Variants in IQCH observed in about 807,000 individuals in gnomAD.
IQCH encodes the protein IQ motif containing H, also known as IQ domain-containing protein H.
In IQCH, 98 loss-of-function variants were observed where a neutral mutation model predicts 117.0. The observed-to-expected ratio is 0.84, with a 90% CI of 0.71 to 0.99. The LOEUF is 0.99. Ranked by LOEUF, IQCH falls within the 50% of genes least tolerant of loss-of-function variation. IQCH has a pLI of 0.00. For missense variants in IQCH, 1,102 were observed against 1,243.8 expected (o/e 0.89, Z 1.72); for synonymous variants, 412 against 448.2 (o/e 0.92, Z 1.02).
chr15:67,340,823 A>G (rs984817532), intron 5 of IQCH, among the ~76,000 whole-genome samples: 1 of 152,192 alleles, frequency 6.6e-6, no homozygotes, highest in African/African-American at 2.4e-5. Context: ...TGCACTCACA[A>G]TGGGAGATAA....
Position 67,369,473 on chromosome 15 carries a change from AAG to A in IQCH, c.754-2631_754-2630del. Among the ~76,000 whole-genome samples the A allele has an allele frequency of 6.6e-6, 1 of 151,624 alleles. No individual in the cohort carries two copies. ...ACAGCACATCTTAAAAAAGGAGGGAAAGAGAGAGGAAGGAAGAGAAAAAGAAA... is the reference window on the plus strand; with the variant it reads ...ACAGCACATCTTAAAAAAGGAGGGAAAGAGAGGAAGGAAGAGAAAAAGAAA... On this transcript the variant is annotated intron_variant, in intron 8 of 20. Transcript: ENST00000335894. This position sits in a 1 kb window ranked among gnomAD's most constrained non-coding sequence, Gnocchi z 5.2.
In IQCH at chr15:67,387,030, C is replaced by A. The variant is rs1333370167; in HGVS notation, c.1457-1801C>A. The stretch of plus-strand genomic sequence containing the variant: ...AAGCTATTTTTGTTGTTTTTCTGCC[C>A]TATTCTTTCATACTTAAAAAAAACT... On this transcript the variant is annotated intron_variant, in intron 11 of 20. Coordinates refer to ENST00000335894, the MANE Select transcript of IQCH (RefSeq NM_001031715.3). The surrounding 1 kb of genome is among the most constrained non-coding windows in gnomAD (Gnocchi z 4.8). Among the ~76,000 whole-genome samples, 1 of 151,870 alleles carries A rather than the reference C, an allele frequency of 6.6e-6. No individual in the cohort carries two copies. Among genetic ancestry groups the A allele is most frequent in the African/African-American group, 2.4e-5 (1 of 41,352 alleles).
rs1275127443 is a variant in IQCH at position 67,493,514 on chromosome 15, G to A, written c.2862-744G>A. Among the ~76,000 whole-genome samples the A allele has an allele frequency of 6.6e-6, 1 of 152,188 alleles. No individual in the cohort carries two copies. Among genetic ancestry groups the A allele is most frequent in the African/African-American group, 2.4e-5 (1 of 41,442 alleles). On this transcript the variant is annotated intron_variant, in intron 19 of 20. Coordinates refer to ENST00000335894, the MANE Select transcript of IQCH (RefSeq NM_001031715.3). The surrounding 1 kb of genome is among the most constrained non-coding windows in gnomAD (Gnocchi z 5.1). ...CATAGGCAGGACACTCTCATTAAGTGATAGGAATCACTTGTACCTGTGAAA... is the reference window on the plus strand; with the variant it reads ...CATAGGCAGGACACTCTCATTAAGTAATAGGAATCACTTGTACCTGTGAAA...
At position 67,336,885 on chromosome 15, in the gene IQCH, C is replaced by A. The variant is rs1968915452; in HGVS notation, c.388-90C>A. On this transcript the variant is annotated intron_variant, in intron 4 of 20. Transcript: ENST00000335894. ...GCTACTTTATTAAAACTTAATGCAACTATTCATAACTTTATTTATTGTTTA... is the reference window on the plus strand; with the variant it reads ...GCTACTTTATTAAAACTTAATGCAAATATTCATAACTTTATTTATTGTTTA... The A allele has an allele frequency of 1.3e-5, 17 of 1,269,946 alleles. No individual in the cohort carries two copies. The South Asian group carries it at 2.3e-4, about 17-fold the overall frequency. 78.7% of individuals were successfully genotyped at this position (1,269,946 alleles called of 1,614,324 possible).
chr15:67,307,111 C>G, intron 4 of IQCH: 1 of 1,161,984 alleles, frequency 8.6e-7, no homozygotes, highest in Non-Finnish European at 1.1e-6. Flanking sequence ...CTGTTATGAC[C>G]TAGAAAAAAA....
rs1458314120 is a variant in IQCH, at chr15:67,426,873, C to G, written c.2505+5296C>G. 6.6e-6 allele frequency among the ~76,000 whole-genome samples: 1 copy of G among 151,800 alleles called. No individual in the cohort carries two copies. The highest frequency in any genetic ancestry group is 1.5e-5 in the Non-Finnish European group (1 of 67,990). The stretch of plus-strand genomic sequence containing the variant: ...TAATGGCACTCATCTGTGATTCCAG[C>G]TATTTGAGAGGCTGAGGTAGGAGGA... On this transcript the variant is annotated intron_variant, in intron 16 of 20. Coordinates refer to ENST00000335894, the MANE Select transcript of IQCH (RefSeq NM_001031715.3). This position sits in a 1 kb window ranked among gnomAD's most constrained non-coding sequence, Gnocchi z 5.1.
In IQCH at chr15:67,358,019, C is replaced by T. The variant is rs191367675; in HGVS notation, c.714+598C>T. On this transcript the variant is annotated intron_variant, in intron 7 of 20. Coordinates refer to ENST00000335894, the MANE Select transcript of IQCH (RefSeq NM_001031715.3). The stretch of plus-strand genomic sequence containing the variant: ...GATTACAGGTGCCTACCACCATGCC[C>T]GGCTAATTTTTGTATTTTTAGTAGA... 2.0e-3 allele frequency among the ~76,000 whole-genome samples: 305 copies of T among 151,374 alleles called. 1 individual carries two copies. The highest frequency in any genetic ancestry group is 6.8e-3 in the African/African-American group (280 of 41,252).
At chr15:67,280,718 C>A (rs1347435446) in intron 4 of IQCH, among the ~76,000 whole-genome samples, 1 of 152,046 alleles carries the variant, frequency 6.6e-6, no homozygotes, top group Non-Finnish European at 1.5e-5. Context: ...AACATTCAGT[C>A]CATAGCATGC....
intron 12 of IQCH, among the ~76,000 whole-genome samples, chr15:67,394,367 C>T (rs1257073559): frequency 6.6e-6 from 1 of 152,174 alleles, no homozygotes; most frequent in Non-Finnish European, 1.5e-5. Flanking sequence ...TTATTACACT[C>T]ATTTTACAGA....
chr15:67,291,055 C>T (rs1438069810), intron 4 of IQCH, among the ~76,000 whole-genome samples: 1 of 152,146 alleles, frequency 6.6e-6, no homozygotes, highest in Non-Finnish European at 1.5e-5. Context: ...CTGCAGAAGA[C>T]AGAAACACAA....
At chr15:67,462,290 G>C (rs367696110) in intron 16 of IQCH, among the ~76,000 whole-genome samples, 3 of 151,732 alleles carry the variant, frequency 2.0e-5, no homozygotes, top group Non-Finnish European at 2.9e-5. Context: ...TTAGCTGGGC[G>C]TGGTGGCAGG....
Position 67,408,932 on chromosome 15 carries a change from T to A in IQCH, c.2098-7999T>A, listed in dbSNP as rs2081372914. 6.6e-6 allele frequency among the ~76,000 whole-genome samples: 1 copy of A among 152,208 alleles called. No individual in the cohort carries two copies. Among genetic ancestry groups the A allele is most frequent in the Non-Finnish European group, 1.5e-5 (1 of 68,024 alleles). Reference sequence around the variant, plus strand: ...GTCATATGTATTTACTTGATATCACTCTTATATTTTAATATAATTTCCTTA... The same window carrying A: ...GTCATATGTATTTACTTGATATCACACTTATATTTTAATATAATTTCCTTA... On this transcript the variant is annotated intron_variant, in intron 14 of 20. Transcript: ENST00000335894. This position sits in a 1 kb window ranked among gnomAD's most constrained non-coding sequence, Gnocchi z 4.2.
intron 8 of IQCH, among the ~76,000 whole-genome samples, chr15:67,367,474 G>A (rs1970375696): frequency 6.6e-6 from 1 of 152,180 alleles, no homozygotes; most frequent in Non-Finnish European, 1.5e-5. Flanking sequence ...AGGAGTTTGA[G>A]GCTGCAGCAA....
intron 6 of IQCH, among the ~76,000 whole-genome samples, chr15:67,354,576 C>T (rs980890622): frequency 6.6e-6 from 1 of 150,478 alleles, no homozygotes; most frequent in African/African-American, 2.4e-5. Context: ...ATTGTTGCCA[C>T]CATTTTTGTA....
rs969385275 is a variant in IQCH at position 67,405,264 on chromosome 15, A to G, written c.2097+4959A>G. ...TTCACTTGTTTTTATATTTATTTTT[A>G]TATGTTGAAATCTTGATGTCTTAGA... On this transcript the variant is annotated intron_variant, in intron 14 of 20. Transcript: ENST00000335894. The surrounding 1 kb of genome is among the most constrained non-coding windows in gnomAD (Gnocchi z 4.8). The G allele has an allele frequency of 6.6e-6, 1 of 152,118 alleles. No homozygotes were observed. The highest frequency in any genetic ancestry group is 2.1e-4 in the South Asian group (1 of 4,822). 9.4% of individuals were successfully genotyped at this position (152,118 alleles called of 1,614,324 possible).
In IQCH at chr15:67,457,236, A is replaced by C. The variant is rs1017164891; in HGVS notation, c.2506-7891A>C. Among the ~76,000 whole-genome samples the C allele has an allele frequency of 3.9e-5, 6 of 152,356 alleles. No homozygotes were observed. The highest frequency in any genetic ancestry group is 3.3e-4 in the Admixed American group (5 of 15,310). On this transcript the variant is annotated intron_variant, in intron 16 of 20. Transcript: ENST00000335894. The surrounding 1 kb of genome is among the most constrained non-coding windows in gnomAD (Gnocchi z 5.7). ...TCTTACCAAATACCATAATCACATT[A>C]GTATTTTACTAATTGAAAATTCTTA...
chr15:67,318,538 AT>A (rs1967960051), intron 4 of IQCH, among the ~76,000 whole-genome samples: 1 of 152,186 alleles, frequency 6.6e-6, no homozygotes, highest in Non-Finnish European at 1.5e-5. Flanking sequence ...TGGAATATTA[AT>A]TTTTTCAACT....
At chr15:67,259,791 C>A (rs144943642) in intron 1 of IQCH, among the ~76,000 whole-genome samples, 98 of 152,370 alleles carry the variant, frequency 6.4e-4, no homozygotes, top group African/African-American at 2.1e-3. Context: ...GATGGCAAAT[C>A]AGCTTGCAGC....
At position 67,436,643 on chromosome 15, in the gene IQCH, T is replaced by C. The variant is rs1253696028; in HGVS notation, c.2505+15066T>C. On this transcript the variant is annotated intron_variant, in intron 16 of 20. Coordinates refer to ENST00000335894, the MANE Select transcript of IQCH (RefSeq NM_001031715.3). This position sits in a 1 kb window ranked among gnomAD's most constrained non-coding sequence, Gnocchi z 5.1. ...GGGAAGAACCAAGCCCTTTTCTTTC[T>C]AGCCTGCAACAAGTTTTCAAGCCCG... Among the ~76,000 whole-genome samples the C allele has an allele frequency of 1.3e-5, 2 of 152,196 alleles. No homozygotes were observed. The highest frequency in any genetic ancestry group is 4.8e-5 in the African/African-American group (2 of 41,442).
Sources: allele counts gnomAD v4.1 joint callset (sites outside exome capture counted in the v4.1 genomes callset), GRCh38; gene constraint gnomAD v4.1.1; non-coding constraint Gnocchi (gnomAD v3.1); transcripts MANE v1.5; gene names NCBI Gene and HGNC (gene_info 2026-07-23, HGNC 2026-07-21).